FAT4: variants seen among roughly 807,000 people sequenced by gnomAD.
FAT4 encodes FAT atypical cadherin 4, also known as protocadherin Fat 4.
FAT4 carries 84 observed loss-of-function variants against 303.9 expected under a neutral mutation model. That is an observed-to-expected ratio of 0.28 (90% confidence interval 0.23 to 0.33). The LOEUF (loss-of-function observed/expected upper bound fraction) is 0.33. Ranked by LOEUF, FAT4 falls within the 10% of genes least tolerant of loss-of-function variation. The pLI is 1.00. For missense variants in FAT4, 6,005 were observed against 6,146.8 expected, an observed-to-expected ratio of 0.98 and a Z score of 0.77; for synonymous variants, 2,307 against 2,298.8, an observed-to-expected ratio of 1.00 and a Z score of -0.10.
chr4:125,478,434 T>C (rs1727108337), intron 14 of FAT4, among the ~76,000 whole-genome samples: 1 of 152,174 alleles, frequency 6.6e-6, no homozygotes. Flanking sequence ...TTTGTGAACA[T>C]CTTTTTAGGT....
intron 11 of FAT4, 113 bp downstream of exon 11, chr4:125,463,780 G>C (rs1453829442): frequency 1.8e-6 from 1 of 541,410 alleles, no homozygotes; most frequent in Admixed American, 3.5e-5. Context: ...TTACATGGAA[G>C]GTTTTATTAA....
At chr4:125,459,210 T>A (rs78105560) in intron 10 of FAT4, among the ~76,000 whole-genome samples, 1 of 152,008 alleles carries the variant, frequency 6.6e-6, no homozygotes, top group Admixed American at 6.6e-5. Context: ...TCAAAAATTA[T>A]CGTATCTTCA....
intron 2 of FAT4, among the ~76,000 whole-genome samples, chr4:125,373,923 TAAG>T (rs3034192): frequency 0.05 from 7,571 of 152,258 alleles, 594 homozygotes; most frequent in African/African-American, 0.17. Context: ...TAGAAAATAA[TAAG>T]GACTATGTAT....
At chr4:125,332,021 T>C (rs2125958671) in intron 2 of FAT4, among the ~76,000 whole-genome samples, 1 of 152,270 alleles carries the variant, frequency 6.6e-6, no homozygotes, top group East Asian at 1.9e-4. Context: ...CATAGCTTCT[T>C]GTGAGAAAAA....
At chr4:125,389,583 G>T (rs1248002311) in intron 2 of FAT4, among the ~76,000 whole-genome samples, 1 of 152,168 alleles carries the variant, frequency 6.6e-6, no homozygotes, top group African/African-American at 2.4e-5. Context: ...ATTCATGCAG[G>T]TGGTAGTGGT....
chr4:125,316,880 G>T lies in FAT4; in HGVS notation c.469G>T (p.Asp157Tyr), dbSNP rs759072210. ...TAGCAGCGGACGCCAAGTCATCTTA[G>T]ACACCGCCACCGACTCGGACATCGG... ...DSSSGRQVIL[D>Y]TATDSDIGSN... Residue 157 changes from aspartate to tyrosine, a missense_variant, in exon 2 of 18, where the codon GAC becomes TAC. Physicochemically the swap from Asp to Tyr is radical, Grantham distance 160. Coordinates refer to ENST00000394329, the MANE Select transcript of FAT4 (RefSeq NM_001291303.3). The surrounding 1 kb of genome is among the most constrained non-coding windows in gnomAD (Gnocchi z 5.7). 11 of 1,613,888 alleles carry T rather than the reference G, an allele frequency of 6.8e-6. No individual in the cohort carries two copies. Among genetic ancestry groups the T allele is most frequent in the African/African-American group, 1.3e-5 (1 of 74,922 alleles).
rs975703319 is a variant in FAT4, at chr4:125,320,520, G to A, written c.4109G>A (p.Gly1370Glu). 6.2e-7 allele frequency: 1 copy of A among 1,613,902 alleles called. No homozygotes were observed. The highest frequency in any genetic ancestry group is 1.3e-5 in the African/African-American group (1 of 75,016). The change falls in exon 2 of 18, where the codon GGG becomes GAG. Residue 1370 changes from glycine (G) to glutamate (E), a missense_variant. By Grantham distance (98) the Gly-to-Glu change is moderately conservative. Transcript: ENST00000394329. Reference sequence around the variant, plus strand: ...ACTTTTAGCATTAGCCCAAACACTGGGAGTATTTTTCTTGCCAAAAAACTG... The same window carrying A: ...ACTTTTAGCATTAGCCCAAACACTGAGAGTATTTTTCTTGCCAAAAAACTG... ...HGTFSISPNT[G>E]SIFLAKKLDF...
intron 7 of FAT4, among the ~76,000 whole-genome samples, chr4:125,429,665 G>A (rs1397729517): frequency 6.6e-6 from 1 of 151,900 alleles, no homozygotes; most frequent in Non-Finnish European, 1.5e-5. Flanking sequence ...GGTATCAAAT[G>A]TGTTCAATGA....
chr4:125,477,669 G>A (rs1506360), intron 14 of FAT4, among the ~76,000 whole-genome samples: 114,427 of 151,590 alleles, frequency 0.75, 43,305 homozygotes, highest in East Asian at 0.85. Flanking sequence ...AGAGAGATAT[G>A]TAGATGTTAG....
intron 12 of FAT4, among the ~76,000 whole-genome samples, chr4:125,470,865 A>C (rs960289446): frequency 3.3e-5 from 5 of 152,222 alleles, no homozygotes; most frequent in African/African-American, 1.2e-4. Flanking sequence ...TTGCATTTAC[A>C]GCTCGGCTAA....
At chr4:125,340,385 A>C (rs1731737944) in intron 2 of FAT4, among the ~76,000 whole-genome samples, 2 of 83,442 alleles carry the variant, frequency 2.4e-5, no homozygotes, top group African/African-American at 1.4e-4. Flanking sequence ...GTAAGAAACA[A>C]CTCTTTTTTT....
chr4:125,402,390 G>T (rs950018305), intron 3 of FAT4, among the ~76,000 whole-genome samples: 2 of 151,952 alleles, frequency 1.3e-5, no homozygotes, highest in African/African-American at 4.8e-5. Context: ...CAGAACAAAT[G>T]TACAGAGTGT....
At chr4:125,397,125 T>G (rs2126011467) in intron 2 of FAT4, among the ~76,000 whole-genome samples, 1 of 152,146 alleles carries the variant, frequency 6.6e-6, no homozygotes, top group Middle Eastern at 3.4e-3. Flanking sequence ...CTTCCAGATC[T>G]GTCCTAACAG....
intron 17 of FAT4, among the ~76,000 whole-genome samples, chr4:125,489,660 G>A (rs924000439): frequency 7.9e-5 from 12 of 152,020 alleles, no homozygotes; most frequent in African/African-American, 2.9e-4. Flanking sequence ...GAATGAGTGG[G>A]ATTCAAGCAA....
At chr4:125,465,004 A>G (rs1421328265) in intron 11 of FAT4, among the ~76,000 whole-genome samples, 1 of 152,218 alleles carries the variant, frequency 6.6e-6, no homozygotes, top group African/African-American at 2.4e-5. Flanking sequence ...TTTCCAAACA[A>G]CTTCATGACT....
At chr4:125,447,102 A>C (rs1327198493) in intron 9 of FAT4, among the ~76,000 whole-genome samples, 1 of 152,076 alleles carries the variant, frequency 6.6e-6, no homozygotes, top group Non-Finnish European at 1.5e-5. Context: ...AAGTTTATGG[A>C]TCCATTTATG....
intron 12 of FAT4, among the ~76,000 whole-genome samples, chr4:125,472,532 C>T (rs142423085): frequency 6.6e-6 from 1 of 152,066 alleles, no homozygotes; most frequent in African/African-American, 2.4e-5. Context: ...ACAGAAACTA[C>T]CTTATAATAT....
At chr4:125,470,194 A>G (rs1272204549) in intron 12 of FAT4, among the ~76,000 whole-genome samples, 1 of 152,192 alleles carries the variant, frequency 6.6e-6, no homozygotes, top group Non-Finnish European at 1.5e-5. Context: ...TATTCAATAA[A>G]CCATGCTGTA....
intron 17 of FAT4, among the ~76,000 whole-genome samples, chr4:125,489,046 A>G (rs1035096249): frequency 6.6e-5 from 10 of 152,226 alleles, no homozygotes; most frequent in Non-Finnish European, 1.2e-4. Context: ...GATGCATTAA[A>G]TAAGAGGAAA....
Sources: gnomAD v4.1 joint callset for allele counts (sites outside exome capture counted in the v4.1 genomes callset) on GRCh38, gnomAD v4.1.1 for gene constraint, Gnocchi (gnomAD v3.1) non-coding constraint, MANE v1.5 for transcripts, NCBI Gene and HGNC (gene_info 2026-07-23, HGNC 2026-07-21) for gene names.